CBFA2T3: variants seen among roughly 807,000 people sequenced by gnomAD.
The protein encoded by CBFA2T3 is CBFA2/RUNX1 partner transcriptional co-repressor 3, also known as transcriptional corepressor CBFA2T3.
In CBFA2T3, 31 loss-of-function variants were observed where a neutral mutation model predicts 58.6. The observed-to-expected ratio is 0.53, with a 90% CI of 0.40 to 0.71. The LOEUF is 0.71. Ranked by LOEUF, CBFA2T3 falls within the 30% of genes least tolerant of loss-of-function variation. The pLI, the probability that CBFA2T3 is intolerant of heterozygous loss-of-function variation, is 0.00. For missense variants in CBFA2T3, 1,076 were observed against 963.1 expected, an observed-to-expected ratio of 1.12 and a Z score of -1.55; for synonymous variants, 531 against 421.9, an observed-to-expected ratio of 1.26 and a Z score of -3.17.
At chr16:88,899,757 G>A (rs995457236) in intron 2 of CBFA2T3, among the ~76,000 whole-genome samples, 1 of 152,226 alleles carries the variant, frequency 6.6e-6, no homozygotes, top group Non-Finnish European at 1.5e-5. Context: ...TGACAGTGGG[G>A]CCTGAGGTTG....
chr16:88,881,406 C>A lies in CBFA2T3; in HGVS notation c.1287G>T (p.Glu429Asp). 1 of 1,606,600 alleles carries A rather than the reference C, an allele frequency of 6.2e-7. No homozygotes were observed. Among genetic ancestry groups the A allele is most frequent in the Non-Finnish European group, 8.5e-7 (1 of 1,177,728 alleles). Residue 429 changes from glutamate (E) to aspartate (D), a missense_variant, in exon 9 of 12, where the codon GAG becomes GAT. Transcript: ENST00000268679. ...AGCGCCGCGCCCAGTGGTTGAGCTC[C>A]TCGCGGTCGGCCTCCTGGCACCTGC... ...VLRRCQEADR[E>D]ELNHWARRYS...
chr16:88,892,464 G>A lies in CBFA2T3; in HGVS notation c.401C>T (p.Ser134Leu), dbSNP rs1969680216. Residue 134 changes from serine to leucine, a missense_variant, in exon 4 of 12, where the codon TCA (serine) becomes TTA (leucine). Coordinates refer to ENST00000268679, the MANE Select transcript of CBFA2T3 (RefSeq NM_005187.6). ...VCLLMNGSSH[S>L]PTAINGAPCT... ...CGGTGCACCATTGATGGCTGTTGGT[G>A]AGTGGCTGCTGCCGTTCATCACTGC... 1 of 1,612,870 alleles carries A rather than the reference G, an allele frequency of 6.2e-7. No individual in the cohort carries two copies. The highest frequency in any genetic ancestry group is 8.5e-7 in the Non-Finnish European group (1 of 1,180,016).
intron 1 of CBFA2T3, among the ~76,000 whole-genome samples, chr16:88,916,510 G>T (rs147232130): frequency 0.01 from 1,556 of 152,236 alleles, 8 homozygotes; most frequent in East Asian, 0.021. Flanking sequence ...TGGGTGTTGC[G>T]TGTGCATGTT....
At chr16:88,916,568 G>A (rs1046428796) in intron 1 of CBFA2T3, among the ~76,000 whole-genome samples, 4 of 149,292 alleles carry the variant, frequency 2.7e-5, no homozygotes, top group Non-Finnish European at 5.9e-5. Flanking sequence ...GAACACTCCG[G>A]CCTGAGTGAA....
At chr16:88,965,976 G>T (rs117513074) in intron 1 of CBFA2T3, among the ~76,000 whole-genome samples, 2 of 152,342 alleles carry the variant, frequency 1.3e-5, no homozygotes, top group East Asian at 1.9e-4. Context: ...TGTCAGGGGA[G>T]GGGACGGGGG....
chr16:88,933,292 C>T (rs1046142864), intron 1 of CBFA2T3, among the ~76,000 whole-genome samples: 3 of 150,826 alleles, frequency 2.0e-5, no homozygotes, highest in South Asian at 2.1e-4. Context: ...CCTCTGCACA[C>T]GTCACGTGCC....
chr16:88,954,558 G>T (rs1220142181), intron 1 of CBFA2T3, among the ~76,000 whole-genome samples: 1 of 81,576 alleles, frequency 1.2e-5, no homozygotes, highest in Non-Finnish European at 2.5e-5. Context: ...CTCAGCCAAG[G>T]CTCCTGACCC....
At position 88,904,911 on chromosome 16, in the gene CBFA2T3, T is replaced by G. The variant is rs909440131; in HGVS notation, c.152-3255A>C. 2.6e-5 allele frequency among the ~76,000 whole-genome samples: 4 copies of G among 152,284 alleles called. No homozygotes were observed. In the East Asian group the frequency reaches 7.7e-4, roughly 29 times the overall value. On this transcript the variant is annotated intron_variant, in intron 1 of 11. Transcript: ENST00000268679. ...GACGCGGAGTTCCCCACGCCCTGCCTTGGCAAGCAAGGAAACCAGGCCAAG... is the reference window on the plus strand; with the variant it reads ...GACGCGGAGTTCCCCACGCCCTGCCGTGGCAAGCAAGGAAACCAGGCCAAG...
At chr16:88,893,593 G>A (rs1392616097) in intron 3 of CBFA2T3, among the ~76,000 whole-genome samples, 1 of 152,206 alleles carries the variant, frequency 6.6e-6, no homozygotes, top group African/African-American at 2.4e-5. Context: ...AGATGCCCGT[G>A]CACACAGGCC....
chr16:88,892,712 C>T (rs1969693586), intron 3 of CBFA2T3, among the ~76,000 whole-genome samples: 1 of 152,204 alleles, frequency 6.6e-6, no homozygotes, highest in South Asian at 2.1e-4. Context: ...TCCGGCCCTG[C>T]TCTGAGAGGT....
intron 1 of CBFA2T3, chr16:88,939,841 C>T (rs1211819311): frequency 1.3e-5 from 2 of 152,246 alleles, no homozygotes; most frequent in African/African-American, 2.4e-5. Flanking sequence ...CAGCCCTCGC[C>T]CCTTCAGGTC....
chr16:88,887,489 G>C (rs1055558101), intron 5 of CBFA2T3, among the ~76,000 whole-genome samples: 1 of 152,084 alleles, frequency 6.6e-6, no homozygotes, highest in East Asian at 1.9e-4. Context: ...GCGGTGGGTG[G>C]GGCTGCATCC....
chr16:88,971,792 G>C (rs1158222217), intron 1 of CBFA2T3, among the ~76,000 whole-genome samples: 1 of 152,150 alleles, frequency 6.6e-6, no homozygotes, highest in Non-Finnish European at 1.5e-5. Context: ...TGGCCGGCGA[G>C]TCCTGGCTCA....
In CBFA2T3 at chr16:88,885,702, G is replaced by A. The variant is rs1190302853; in HGVS notation, c.893+259C>T. ...CGGAGTCCATGCCCGGCACACAGGG[G>A]AGAGCCGTCCTCCCACCAGCCTCCT... On this transcript the variant is annotated intron_variant, in intron 6 of 11. Coordinates refer to ENST00000268679, the MANE Select transcript of CBFA2T3 (RefSeq NM_005187.6). This position sits in a 1 kb window ranked among gnomAD's most constrained non-coding sequence, Gnocchi z 5.3. The A allele has an allele frequency of 4.6e-5, 24 of 518,240 alleles. No individual in the cohort carries two copies. The allele number at this position is 518,240 out of a possible 1,614,324, so 32.1% of individuals were successfully genotyped here.
At chr16:88,893,177 G>A (rs987600197) in intron 3 of CBFA2T3, among the ~76,000 whole-genome samples, 3 of 150,646 alleles carry the variant, frequency 2.0e-5, no homozygotes, top group Non-Finnish European at 2.9e-5. Context: ...CCAGCCCTGA[G>A]CAATGTCCCC....
intron 3 of CBFA2T3, among the ~76,000 whole-genome samples, chr16:88,894,156 C>G (rs1161604945): frequency 2.0e-5 from 3 of 151,864 alleles, no homozygotes; most frequent in Non-Finnish European, 4.4e-5. Context: ...TACACACATG[C>G]ACGCACACAT....
chr16:88,913,643 G>A (rs762712353), intron 1 of CBFA2T3, among the ~76,000 whole-genome samples: 1 of 151,938 alleles, frequency 6.6e-6, no homozygotes, highest in South Asian at 2.1e-4. Flanking sequence ...ATTCCTCCGT[G>A]GGGGGGTCTC....
intron 10 of CBFA2T3, among the ~76,000 whole-genome samples, chr16:88,880,401 TGGCCCCGCGTGCC>T (rs1315766566): frequency 6.6e-6 from 1 of 152,234 alleles, no homozygotes. Context: ...GCCCGGACTC[TGGCCCCGCGTGCC>T]TGACGCGCCC....
At position 88,892,733 on chromosome 16, in the gene CBFA2T3, C is replaced by G. The variant is rs184651948; in HGVS notation, c.380-248G>C. Among the ~76,000 whole-genome samples the G allele has an allele frequency of 5.3e-5, 8 of 152,314 alleles. No individual in the cohort carries two copies. The East Asian group carries it at 9.7e-4, about 18-fold the overall frequency. On this transcript the variant is annotated intron_variant, in intron 3 of 11. Transcript: ENST00000268679. ...CCTGCTCTGAGAGGTCACACACACC[C>G]CCTTACAGACCTGGAAATGGATTCC...
Sources: allele counts gnomAD v4.1 joint callset (sites outside exome capture counted in the v4.1 genomes callset), GRCh38; gene constraint gnomAD v4.1.1; non-coding constraint Gnocchi (gnomAD v3.1); transcripts MANE v1.5; gene names NCBI Gene and HGNC (gene_info 2026-07-23, HGNC 2026-07-21).